The following MYO1C variants were observed in gnomAD, a reference collection of about 807,000 sequenced individuals.
MYO1C encodes the protein unconventional myosin-Ic.
A neutral mutation model predicts 150.8 loss-of-function variants in MYO1C; 104 were observed. That is an observed-to-expected ratio of 0.69 (90% CI 0.59 to 0.81). The LOEUF is 0.81. MYO1C is among the 30% of genes least tolerant of loss of function. The probability of loss-of-function intolerance (pLI) is 0.00; values close to 1 mark genes in which losing one functional copy is unlikely to be tolerated. For synonymous variants in MYO1C, 663 were observed against 579.9 expected, an observed-to-expected ratio of 1.14 and a Z score of -2.06; for missense variants, 1,504 against 1,435.0, an observed-to-expected ratio of 1.05 and a Z score of -0.78.
chr17:1,483,436 A>T (rs1420659970), intron 3 of MYO1C, among the ~76,000 whole-genome samples, 174 bp downstream of exon 3: 2 of 152,096 alleles, frequency 1.3e-5, no homozygotes, highest in African/African-American at 4.8e-5. Flanking sequence ...AGTCCCACCC[A>T]CATGGAGCTG....
chr17:1,467,852 G>A lies in MYO1C; in HGVS notation c.2955C>T (p.Asp985=), dbSNP rs996030990. 4 of 1,530,072 alleles carry A rather than the reference G, an allele frequency of 2.6e-6. No homozygotes were observed. The highest frequency in any genetic ancestry group is 1.8e-5 in the Admixed American group (1 of 56,294). 94.8% of individuals were successfully genotyped at this position (1,530,072 alleles called of 1,614,324 possible). The part of the protein sequence containing the change: ...SLFVLHVQRA[D]NKQKGDVVLQ... ...CATGAAAAGGCACCTTTTGCTTATT[G>A]TCCGCACGCTGTACATGAAGCACAA... Residue 985 remains aspartate (D), a synonymous_variant, in exon 29 of 32, where the codon GAC becomes GAT. Coordinates refer to ENST00000648651, the MANE Select transcript of MYO1C (RefSeq NM_001080779.2).
intron 1 of MYO1C, chr17:1,491,683 G>A: frequency 1.0e-6 from 1 of 978,056 alleles, no homozygotes; most frequent in Non-Finnish European, 1.2e-6. Context: ...CACTCTCCCC[G>A]CCCAGGGCCC....
intron 31 of MYO1C, 108 bp downstream of exon 31, chr17:1,467,134 G>T (rs904774650): frequency 9.8e-7 from 1 of 1,022,924 alleles, no homozygotes; most frequent in Admixed American, 2.0e-5. Flanking sequence ...TGGTATGATG[G>T]CCTCTGGATG....
At chr17:1,475,920 G>A (rs2074395057) in intron 14 of MYO1C, among the ~76,000 whole-genome samples, 1 of 152,056 alleles carries the variant, frequency 6.6e-6, no homozygotes, top group Non-Finnish European at 1.5e-5. Context: ...AAAATGTGCA[G>A]GATATTTACC....
intron 17 of MYO1C, among the ~76,000 whole-genome samples, chr17:1,473,858 C>T (rs1052745610): frequency 5.3e-5 from 8 of 152,160 alleles, no homozygotes; most frequent in African/African-American, 1.7e-4. Context: ...TCACCCCTTC[C>T]GCCCCGTCAG....
chr17:1,469,812 A>G (rs1598323064), intron 24 of MYO1C, among the ~76,000 whole-genome samples, 198 bp from the exon 25 acceptor site: 1 of 152,124 alleles, frequency 6.6e-6, no homozygotes. Flanking sequence ...AGGTGGGTGG[A>G]TCACCCGAGC....
intron 25 of MYO1C, chr17:1,469,118 A>AGGGTAAATAGAGCAGACCG (rs756629813): frequency 4.9e-5 from 16 of 324,030 alleles, no homozygotes; most frequent in South Asian, 1.3e-4. Flanking sequence ...ACGGTAGACT[A>AGGGTAAATAGAGCAGACCG]GGGTAAATAG....
chr17:1,481,164 C>T (rs1222042895), intron 5 of MYO1C: 2 of 476,498 alleles, frequency 4.2e-6, no homozygotes, highest in Non-Finnish European at 3.8e-6. Context: ...CGGACCTTCT[C>T]CCTCTTCAAA....
At chr17:1,470,948 G>A (rs1246533115) in intron 21 of MYO1C, 123 bp downstream of exon 21, 5 of 1,141,962 alleles carry the variant, frequency 4.4e-6, no homozygotes, top group African/African-American at 1.5e-5. Context: ...ACTCCCTGGA[G>A]CTGGGCGTGG....
chr17:1,468,481 C>A lies in MYO1C; in HGVS notation c.2626G>T (p.Val876Leu), dbSNP rs561757667. The A allele has an allele frequency of 2.5e-6, 4 of 1,613,696 alleles. No homozygotes were observed. The highest frequency in any genetic ancestry group is 3.4e-6 in the Non-Finnish European group (4 of 1,179,812). ...EWKQQLQQKAVASEIFKGKKD... is the reference protein window; with the variant it reads ...EWKQQLQQKALASEIFKGKKD... ...TTGCCCTTGAAGATCTCACTAGCCA[C>A]GGCCTTCTGCTGCAGCTGAGGAGAC... The change falls in exon 26 of 32, where the codon GTG (valine) becomes TTG (leucine). Residue 876 changes from valine (V) to leucine (L), a missense_variant. Val to Leu is a conservative substitution (Grantham distance 32). Transcript: ENST00000648651.
rs1389291238 is a variant in MYO1C at position 1,478,753 on chromosome 17, G to A, written c.1093-18C>T. 6.2e-7 allele frequency: 1 copy of A among 1,613,200 alleles called. No individual in the cohort carries two copies. The highest frequency in any genetic ancestry group is 8.5e-7 in the Non-Finnish European group (1 of 1,180,022). On this transcript the variant is annotated intron_variant, in intron 9 of 31. Transcript: ENST00000648651. The surrounding 1 kb of genome is among the most constrained non-coding windows in gnomAD (Gnocchi z 6.3). ...CTCAGGAGCTGTGGACGCAGCGTGA[G>A]ACAAGGAGATGAATGCCACAGAGCC...
In MYO1C at chr17:1,478,652, C is replaced by G. The variant is rs747006797; in HGVS notation, c.1176G>C (p.Trp392Cys). ...AKAVYSRTFT[W>C]LVGKINRSLA... ...GCGACCTGTTGATCTTCCCGACGAGCCAGGTAAAAGTGCGGCTGTACACAG... is the reference window on the plus strand; with the variant it reads ...GCGACCTGTTGATCTTCCCGACGAGGCAGGTAAAAGTGCGGCTGTACACAG... The change falls in exon 10 of 32, where the codon TGG (tryptophan) becomes TGC (cysteine). Residue 392 changes from tryptophan (W) to cysteine (C), a missense_variant. Transcript: ENST00000648651. The surrounding 1 kb of genome is among the most constrained non-coding windows in gnomAD (Gnocchi z 6.3). The G allele has an allele frequency of 6.2e-7, 1 of 1,614,172 alleles. No homozygotes were observed. The highest frequency in any genetic ancestry group is 8.5e-7 in the Non-Finnish European group (1 of 1,180,038).
intron 25 of MYO1C, 44 bp downstream of exon 25, chr17:1,469,487 C>A: frequency 6.6e-7 from 1 of 1,526,430 alleles, no homozygotes; most frequent in Non-Finnish European, 9.0e-7. Context: ...CTTGCGACTC[C>A]CTGACTCCAC....
At chr17:1,477,308 T>C (rs1004715039) in intron 14 of MYO1C, 197 bp downstream of exon 14, 5 of 617,752 alleles carry the variant, frequency 8.1e-6, no homozygotes, top group Non-Finnish European at 1.2e-5. Flanking sequence ...GCCTTCTGCA[T>C]AGATGGGACT....
In MYO1C at chr17:1,479,762, G is replaced by A; in HGVS notation, c.907-57C>T. ...GAGAGGGGCCAGAGAGCCCCAAGAG[G>A]GCAACTAGCAGATGGCCATGCAGGG... On this transcript the variant is annotated intron_variant, in intron 7 of 31. Coordinates refer to ENST00000648651, the MANE Select transcript of MYO1C (RefSeq NM_001080779.2). The surrounding 1 kb of genome is among the most constrained non-coding windows in gnomAD (Gnocchi z 4.2). 4 of 1,296,444 alleles carry A rather than the reference G, an allele frequency of 3.1e-6. No homozygotes were observed. Among genetic ancestry groups the A allele is most frequent in the Non-Finnish European group, 3.3e-6 (3 of 912,986 alleles). 80.3% of individuals were successfully genotyped at this position (1,296,444 alleles called of 1,614,324 possible). A position where few individuals can be genotyped will look rare whatever the true frequency, so the allele number is the denominator to read the frequency against.
At position 1,465,761 on chromosome 17, in the gene MYO1C, G is replaced by A. The variant is rs754080554; in HGVS notation, c.3166-9C>T. On this transcript the variant is annotated splice_polypyrimidine_tract_variant and intron_variant, in intron 31 of 31. Transcript: ENST00000648651. ...TTCAGCCGTGGGGCGACCTGTGGGG[G>A]CGGAGAGAGACGGCCAAGTGGTGAG... 2 of 1,320,400 alleles carry A rather than the reference G, an allele frequency of 1.5e-6. No individual in the cohort carries two copies. The highest frequency in any genetic ancestry group is 1.9e-6 in the Non-Finnish European group (2 of 1,025,650). The allele number at this position is 1,320,400 out of a possible 1,614,324, so 81.8% of individuals were successfully genotyped here.
At chr17:1,472,409 C>T (rs1338507716) in intron 17 of MYO1C, 181 bp from the exon 18 acceptor site, 20 of 611,324 alleles carry the variant, frequency 3.3e-5, no homozygotes, top group Non-Finnish European at 8.7e-6. Context: ...CACCCCTTAC[C>T]CCTCTGGCTG....
intron 1 of MYO1C, chr17:1,484,882 A>ACCCCCCCCCCCCCCC: frequency 3.7e-6 from 1 of 267,224 alleles, no homozygotes; most frequent in South Asian, 3.0e-5. Context: ...TCCCACCCAG[A>ACCCCCCCCCCCCCCC]CCCACCCCCA....
At position 1,478,159 on chromosome 17, in the gene MYO1C, C is replaced by T; in HGVS notation, c.1329G>A (p.Glu443=). Residue 443 remains glutamate (E), a synonymous_variant, in exon 12 of 32, where the codon GAG becomes GAA. Transcript: ENST00000648651. This position sits in a 1 kb window ranked among gnomAD's most constrained non-coding sequence, Gnocchi z 6.3. The part of the protein sequence containing the change: ...FEQFCINYCN[E]KLQQLFIELT... ...GCTCGATGAAGAGCTGCTGCAGCTT[C>T]TCGTTGCAGTAATTGATGCAGAACT... The T allele has an allele frequency of 4.3e-6, 7 of 1,614,054 alleles. No homozygotes were observed. In the South Asian group the frequency reaches 7.7e-5, roughly 18 times the overall value.
Sources: allele counts gnomAD v4.1 joint callset (sites outside exome capture counted in the v4.1 genomes callset), GRCh38; gene constraint gnomAD v4.1.1; non-coding constraint Gnocchi (gnomAD v3.1); transcripts MANE v1.5; gene names NCBI Gene and HGNC (gene_info 2026-07-23, HGNC 2026-07-21).